GRM5: variants seen among roughly 807,000 people sequenced by gnomAD.
GRM5 encodes metabotropic glutamate receptor 5.
In GRM5, 19 loss-of-function variants were observed where a neutral mutation model predicts 83.1. The observed-to-expected ratio is 0.23, with a 90% CI of 0.16 to 0.34. The LOEUF is 0.34. GRM5 is among the 10% of genes least tolerant of loss of function. The pLI, the probability that GRM5 is intolerant of heterozygous loss-of-function variation, is 1.00. For missense variants in GRM5, 1,160 were observed against 1,588.3 expected (o/e 0.73, Z 4.58); for synonymous variants, 675 against 633.6 (o/e 1.07, Z -0.98).
At chr11:88,732,497 G>C (rs1238718866) in intron 3 of GRM5, among the ~76,000 whole-genome samples, 1 of 152,010 alleles carries the variant, frequency 6.6e-6, no homozygotes, top group Non-Finnish European at 1.5e-5. Flanking sequence ...CTTTGTCAAT[G>C]TTATCTTGTC....
At chr11:88,564,197 A>G (rs1403621068) in intron 8 of GRM5, among the ~76,000 whole-genome samples, 3 of 152,184 alleles carry the variant, frequency 2.0e-5, no homozygotes, top group African/African-American at 4.8e-5. Flanking sequence ...AGATTTGCCA[A>G]GATTGCAGAA....
intron 3 of GRM5, among the ~76,000 whole-genome samples, chr11:88,749,518 T>G (rs561640389): frequency 3.0e-4 from 46 of 152,246 alleles, no homozygotes; most frequent in African/African-American, 9.9e-4. Flanking sequence ...GAAGACATAC[T>G]TCATGGTATC....
chr11:88,959,549 G>T (rs545068520), intron 2 of GRM5, among the ~76,000 whole-genome samples: 1 of 152,014 alleles, frequency 6.6e-6, no homozygotes, highest in African/African-American at 2.4e-5. Context: ...TAGTTCTACA[G>T]GTATAAATTG....
chr11:88,989,120 C>G (rs1311032246), intron 2 of GRM5, among the ~76,000 whole-genome samples: 2 of 151,028 alleles, frequency 1.3e-5, no homozygotes, highest in East Asian at 1.9e-4. Context: ...AAACCCATCT[C>G]ACGTGCAGAG....
chr11:89,027,895 T>A (rs963279899), intron 2 of GRM5, among the ~76,000 whole-genome samples: 3 of 152,190 alleles, frequency 2.0e-5, no homozygotes, highest in African/African-American at 7.2e-5. Flanking sequence ...GGTGGGACTT[T>A]GGGAGGTGAT....
At chr11:88,771,663 C>T (rs1422250339) in intron 3 of GRM5, among the ~76,000 whole-genome samples, 2 of 152,102 alleles carry the variant, frequency 1.3e-5, no homozygotes, top group Non-Finnish European at 1.5e-5. Context: ...CTGGCAACAC[C>T]CTCACAGACA....
chr11:88,656,890 C>A (rs1939779284), intron 3 of GRM5, among the ~76,000 whole-genome samples: 1 of 151,900 alleles, frequency 6.6e-6, no homozygotes, highest in South Asian at 2.1e-4. Flanking sequence ...AGGATGTGTA[C>A]AGGTTACATG....
At chr11:88,856,608 A>G (rs1047769860) in intron 2 of GRM5, among the ~76,000 whole-genome samples, 1 of 152,124 alleles carries the variant, frequency 6.6e-6, no homozygotes, top group Admixed American at 6.6e-5. Context: ...GTTAATACAT[A>G]AATCAGTAAC....
chr11:88,921,437 C>T (rs1444771470), intron 2 of GRM5, among the ~76,000 whole-genome samples: 2 of 152,048 alleles, frequency 1.3e-5, no homozygotes, highest in Non-Finnish European at 2.9e-5. Flanking sequence ...TCCTGGCTAA[C>T]ACGGTGAAAC....
intron 2 of GRM5, among the ~76,000 whole-genome samples, chr11:88,870,965 G>A (rs1376817165): frequency 1.3e-5 from 2 of 151,524 alleles, no homozygotes; most frequent in African/African-American, 4.8e-5. Flanking sequence ...TAAATGTTTG[G>A]ATGGTGGATA....
intron 2 of GRM5, among the ~76,000 whole-genome samples, chr11:89,029,315 A>T (rs930969338): frequency 2.6e-5 from 4 of 152,228 alleles, no homozygotes; most frequent in African/African-American, 9.6e-5. Context: ...TTCTGTCAGT[A>T]TAATATTTGA....
chr11:88,632,410 T>A (rs984218124), intron 4 of GRM5, among the ~76,000 whole-genome samples: 1 of 152,134 alleles, frequency 6.6e-6, no homozygotes, highest in Non-Finnish European at 1.5e-5. Flanking sequence ...TGTTTCTATT[T>A]TTTTGTAGAG....
intron 8 of GRM5, among the ~76,000 whole-genome samples, chr11:88,548,753 G>A (rs1942436203): frequency 6.6e-6 from 1 of 152,204 alleles, no homozygotes; most frequent in Non-Finnish European, 1.5e-5. Context: ...CACTAGTGGA[G>A]CACTTGGAAA....
intron 3 of GRM5, among the ~76,000 whole-genome samples, chr11:88,821,699 C>T (rs563028597): frequency 2.9e-3 from 449 of 152,262 alleles, no homozygotes; most frequent in Middle Eastern, 6.8e-3. Flanking sequence ...TTGAAATCTT[C>T]TATAATTCTA....
chr11:88,781,096 C>T (rs1229938440), intron 3 of GRM5, among the ~76,000 whole-genome samples: 2 of 142,046 alleles, frequency 1.4e-5, no homozygotes, highest in East Asian at 2.0e-4. Context: ...GAGAAGCAAC[C>T]AAGCTGTGTT....
chr11:88,567,059 G>T lies in GRM5; in HGVS notation c.2624C>A (p.Thr875Asn), dbSNP rs776395140. 10 of 1,602,558 alleles carry T rather than the reference G, an allele frequency of 6.2e-6. No homozygotes were observed. The highest frequency in any genetic ancestry group is 5.1e-5 in the Admixed American group (3 of 59,264). Reference sequence around the variant, plus strand: ...AAGCCCCCACAACTTTTACCTTAAGGTTTCCCCAGAGGAGCCCCTTCTCTT... The same window carrying T: ...AAGCCCCCACAACTTTTACCTTAAGTTTTCCCCAGAGGAGCCCCTTCTCTT... ...LWKRRGSSGE[T>N]LRYKDRRLAQ... Residue 875 changes from threonine to asparagine, a missense_variant, in exon 8 of 10, where the codon ACC (threonine) becomes AAC (asparagine). This residue lies in a region of GRM5 where 562 missense variants were observed against 532.4 expected (regional missense o/e 1.06). Coordinates refer to ENST00000305447, the MANE Select transcript of GRM5 (RefSeq NM_001143831.3). This position sits in a 1 kb window ranked among gnomAD's most constrained non-coding sequence, Gnocchi z 7.3.
intron 2 of GRM5, among the ~76,000 whole-genome samples, chr11:88,983,572 T>C (rs557454021): frequency 2.6e-5 from 4 of 152,304 alleles, no homozygotes; most frequent in Non-Finnish European, 2.9e-5. Context: ...GTCTTTTTTA[T>C]AATATCTCAT....
intron 7 of GRM5, among the ~76,000 whole-genome samples, chr11:88,571,423 T>G (rs1942999145): frequency 6.6e-6 from 1 of 152,220 alleles, no homozygotes; most frequent in Non-Finnish European, 1.5e-5. Context: ...CAAAAAATAC[T>G]GTTGTAACTA....
chr11:88,852,365 T>TTTTAATATTATA (rs1565261851), intron 2 of GRM5, among the ~76,000 whole-genome samples: 1 of 152,090 alleles, frequency 6.6e-6, no homozygotes, highest in African/African-American at 2.4e-5. Flanking sequence ...TATCCAGATA[T>TTTTAATATTATA]TTTAATATTA....
Sources: gnomAD v4.1 joint callset for allele counts (sites outside exome capture counted in the v4.1 genomes callset) on GRCh38, gnomAD v4.1.1 for gene constraint, gnomAD v4.1.1 regional missense constraint, Gnocchi (gnomAD v3.1) non-coding constraint, MANE v1.5 for transcripts, NCBI Gene and HGNC (gene_info 2026-07-23, HGNC 2026-07-21) for gene names.